The following ZMIZ1 variants were observed in gnomAD, a reference collection of about 807,000 sequenced individuals.
ZMIZ1 encodes zinc finger MIZ-type containing 1.
ZMIZ1 carries 17 observed loss-of-function variants against 113.9 expected under a neutral mutation model. That is an observed-to-expected ratio of 0.15 (90% confidence interval 0.10 to 0.22). The LOEUF is 0.22. Among genes scored for constraint, ZMIZ1 ranks in the 10% least tolerant of loss-of-function variants. The pLI, the probability that ZMIZ1 is intolerant of heterozygous loss-of-function variation, is 1.00. For missense variants in ZMIZ1, 1,059 were observed against 1,477.8 expected, an observed-to-expected ratio of 0.72 and a Z score of 4.65; for synonymous variants, 607 against 603.1, an observed-to-expected ratio of 1.01 and a Z score of -0.09.
intron 7 of ZMIZ1, among the ~76,000 whole-genome samples, chr10:79,251,338 G>A (rs972750559): frequency 1.2e-4 from 19 of 152,166 alleles, no homozygotes; most frequent in African/African-American, 4.3e-4. Flanking sequence ...ATTCCAGCCA[G>A]CACCTTGAGC....
intron 12 of ZMIZ1, chr10:79,295,044 A>G (rs1402188624): frequency 1.3e-5 from 2 of 152,010 alleles, no homozygotes; most frequent in African/African-American, 4.8e-5. Context: ...GAGAAGGACC[A>G]TTGGCTCCTG....
chr10:79,204,528 G>C (rs1327536880), intron 5 of ZMIZ1, among the ~76,000 whole-genome samples: 1 of 152,212 alleles, frequency 6.6e-6, no homozygotes, highest in Non-Finnish European at 1.5e-5. Flanking sequence ...GCACCCAGCT[G>C]TCTCACCTAC....
chr10:79,278,395 T>TTTA (rs1205643792), intron 8 of ZMIZ1, among the ~76,000 whole-genome samples: 1 of 151,112 alleles, frequency 6.6e-6, no homozygotes, highest in East Asian at 1.9e-4. Flanking sequence ...AGTTTTTCTT[T>TTTA]TTATTATTAT....
rs1845029517 is a variant in ZMIZ1 at position 79,136,782 on chromosome 10, A to G, written c.-226-2900A>G. Among the ~76,000 whole-genome samples the G allele has an allele frequency of 2.0e-5, 3 of 152,370 alleles. No homozygotes were observed. In the South Asian group the frequency reaches 6.2e-4, roughly 32 times the overall value. On this transcript the variant is annotated intron_variant, in intron 2 of 24. Transcript: ENST00000334512. ...ACAGTACAGCTAAAGGTTAAATATC[A>G]CTATCCATTTCATCACTCTTATTAT... is the stretch of plus-strand genomic sequence containing the variant.
chr10:79,277,058 T>G (rs1179927711), intron 7 of ZMIZ1, 123 bp from the exon 8 acceptor site: 2 of 1,271,388 alleles, frequency 1.6e-6, no homozygotes, highest in East Asian at 5.6e-5. Flanking sequence ...TCTTCTGGCG[T>G]CACACGAATC....
chr10:79,243,376 G>T (rs554474289), intron 7 of ZMIZ1, among the ~76,000 whole-genome samples: 1 of 149,556 alleles, frequency 6.7e-6, no homozygotes, highest in Admixed American at 6.6e-5. Context: ...CCCCATTAGC[G>T]GAGCCTCCGC....
chr10:79,263,754 C>G (rs894369317), intron 7 of ZMIZ1, among the ~76,000 whole-genome samples: 2 of 152,044 alleles, frequency 1.3e-5, no homozygotes, highest in Non-Finnish European at 2.9e-5. Context: ...GAGTACATGA[C>G]AAGGTCTCTC....
intron 5 of ZMIZ1, 63 bp downstream of exon 5, chr10:79,201,755 C>A: frequency 6.3e-7 from 1 of 1,583,004 alleles, no homozygotes; most frequent in South Asian, 1.1e-5. Context: ...AGCAGCAGGG[C>A]ATCTGGTGGG....
rs1564587843 is a variant in ZMIZ1 at position 79,291,156 on chromosome 10, C to T, written c.738C>T (p.Gly246=). 13 of 1,611,160 alleles carry T rather than the reference C, an allele frequency of 8.1e-6. No individual in the cohort carries two copies. The highest frequency in any genetic ancestry group is 1.1e-5 in the Non-Finnish European group (13 of 1,177,904). The change falls in exon 10 of 25, where the codon GGC becomes GGT. Residue 246 remains glycine (G), a synonymous_variant. Coordinates refer to ENST00000334512, the MANE Select transcript of ZMIZ1 (RefSeq NM_020338.4). The part of the protein sequence containing the change: ...QSMYGRPNYP[G]SGGFGASYPG... ...TGTATGGCCGGCCCAACTACCCCGG[C>T]AGCGGGGGCTTTGGGGCCAGGTGAG...
At chr10:79,292,618 A>G (rs1032432823) in intron 11 of ZMIZ1, among the ~76,000 whole-genome samples, 2 of 152,194 alleles carry the variant, frequency 1.3e-5, no homozygotes, top group Admixed American at 6.5e-5. Context: ...TTGGTGGCTC[A>G]TGTACAACTG....
intron 7 of ZMIZ1, among the ~76,000 whole-genome samples, chr10:79,245,107 A>ATCTAGGTCT (rs1850112762): frequency 6.6e-6 from 1 of 152,202 alleles, no homozygotes. Context: ...TTTGGTGAGA[A>ATCTAGGTCT]TCTAGGTCTT....
At chr10:79,134,155 G>T (rs764687767) in intron 2 of ZMIZ1, among the ~76,000 whole-genome samples, 1 of 152,210 alleles carries the variant, frequency 6.6e-6, no homozygotes. Flanking sequence ...TCGAGGGCCT[G>T]TCTGAAGCCC....
chr10:79,229,606 C>T (rs769635568), intron 7 of ZMIZ1, among the ~76,000 whole-genome samples: 2 of 152,150 alleles, frequency 1.3e-5, no homozygotes, highest in African/African-American at 2.4e-5. Context: ...ATTATAATGA[C>T]GGCAGAAACT....
chr10:79,210,945 G>A (rs1313351275), intron 6 of ZMIZ1, among the ~76,000 whole-genome samples: 10 of 152,162 alleles, frequency 6.6e-5, no homozygotes, highest in Non-Finnish European at 1.3e-4. Flanking sequence ...AGGAGAGGCT[G>A]CATAGACAGT....
rs1357085472 is a variant in ZMIZ1 at position 79,315,150 on chromosome 10, C to G, written c.*2401C>G. 6.5e-6 allele frequency: 1 copy of G among 152,874 alleles called. No individual in the cohort carries two copies. The highest frequency in any genetic ancestry group is 1.5e-5 in the Non-Finnish European group (1 of 68,178). The allele number at this position is 152,874 out of a possible 1,614,324, so 9.5% of individuals were successfully genotyped here. On this transcript the variant is annotated 3_prime_UTR_variant, in exon 25 of 25. Coordinates refer to ENST00000334512, the MANE Select transcript of ZMIZ1 (RefSeq NM_020338.4). Reference sequence around the variant, plus strand: ...ACCTGAGGCGGGTTTCCTGGGTCCCCTCTCCAGCAAGCCTCCACCAGCAAG... The same window carrying G: ...ACCTGAGGCGGGTTTCCTGGGTCCCGTCTCCAGCAAGCCTCCACCAGCAAG...
intron 6 of ZMIZ1, among the ~76,000 whole-genome samples, chr10:79,212,731 G>A (rs1225739508): frequency 6.6e-6 from 1 of 151,436 alleles, no homozygotes; most frequent in Non-Finnish European, 1.5e-5. Flanking sequence ...ACTGCAGCCT[G>A]GGCAACAGAG....
chr10:79,158,753 TATG>T (rs1042861309), intron 3 of ZMIZ1, among the ~76,000 whole-genome samples: 4 of 152,174 alleles, frequency 2.6e-5, no homozygotes, highest in Non-Finnish European at 5.9e-5. Flanking sequence ...GGAAGGTAGA[TATG>T]ATGGGGGGAA....
intron 7 of ZMIZ1, among the ~76,000 whole-genome samples, chr10:79,265,138 T>C (rs936813699): frequency 7.2e-5 from 11 of 152,092 alleles, no homozygotes; most frequent in African/African-American, 2.7e-4. Context: ...AGTTCCCAGC[T>C]CCTGACAACC....
At chr10:79,249,088 TGGG>T (rs1038967527) in intron 7 of ZMIZ1, among the ~76,000 whole-genome samples, 20 of 152,162 alleles carry the variant, frequency 1.3e-4, no homozygotes, top group African/African-American at 4.6e-4. Flanking sequence ...TGTGAAAAAA[TGGG>T]GGGCATGTTT....
Sources: gnomAD v4.1 joint callset for allele counts (sites outside exome capture counted in the v4.1 genomes callset) on GRCh38, gnomAD v4.1.1 for gene constraint, MANE v1.5 for transcripts, NCBI Gene and HGNC (gene_info 2026-07-23, HGNC 2026-07-21) for gene names.